The following CCDC102B variants were observed in gnomAD, a reference collection of about 807,000 sequenced individuals.
CCDC102B encodes coiled-coil domain containing 102B, also known as coiled-coil domain-containing protein 102B.
In CCDC102B, 75 loss-of-function variants were observed where a neutral mutation model predicts 57.4. The ratio of observed to expected loss-of-function variants is 1.31; its 90% CI spans 1.08 to 1.58. CCDC102B has a LOEUF of 1.58. Among genes scored for constraint, CCDC102B ranks in the 40% most tolerant of loss-of-function variants. The probability of loss-of-function intolerance (pLI) is 0.00; values close to 1 mark genes in which losing one functional copy is unlikely to be tolerated. For synonymous variants in CCDC102B, 206 were observed against 201.9 expected (o/e 1.02, Z -0.17); for missense variants, 636 against 582.6 (o/e 1.09, Z -0.94).
At chr18:68,792,777 T>C (rs1337437497) in intron 2 of CCDC102B, among the ~76,000 whole-genome samples, 4 of 152,230 alleles carry the variant, frequency 2.6e-5, no homozygotes, top group African/African-American at 9.6e-5. Flanking sequence ...TTAGATATTG[T>C]AGATTAGATT....
intron 2 of CCDC102B, among the ~76,000 whole-genome samples, chr18:68,740,039 A>G (rs2033315467): frequency 6.6e-6 from 1 of 152,226 alleles, no homozygotes; most frequent in Non-Finnish European, 1.5e-5. Flanking sequence ...TCTCTTAAGG[A>G]AGGATTTCTC....
intron 6 of CCDC102B, among the ~76,000 whole-genome samples, chr18:68,946,510 A>G (rs1351755067): frequency 6.6e-6 from 1 of 152,064 alleles, no homozygotes. Flanking sequence ...TTGATCCTGC[A>G]TCTTTATGTT....
chr18:68,823,675 AGT>A (rs1247432336), intron 1 of CCDC102B, among the ~76,000 whole-genome samples: 1 of 152,166 alleles, frequency 6.6e-6, no homozygotes, highest in Admixed American at 6.5e-5. Flanking sequence ...CCCCAGCAAT[AGT>A]GTATAAGCAT....
At chr18:68,815,779 A>G (rs1021556979) in intron 1 of CCDC102B, among the ~76,000 whole-genome samples, 15 of 151,904 alleles carry the variant, frequency 9.9e-5, no homozygotes, top group Non-Finnish European at 4.4e-5. Context: ...AGATGTATGT[A>G]TTTTTTTAAA....
chr18:68,982,435 T>C (rs1268258885), intron 6 of CCDC102B, among the ~76,000 whole-genome samples: 1 of 151,956 alleles, frequency 6.6e-6, no homozygotes, highest in Non-Finnish European at 1.5e-5. Context: ...ATTCCACAAA[T>C]ATGATAATTT....
At chr18:68,785,348 T>C (rs1199278487) in intron 2 of CCDC102B, among the ~76,000 whole-genome samples, 1 of 152,190 alleles carries the variant, frequency 6.6e-6, no homozygotes, top group Non-Finnish European at 1.5e-5. Flanking sequence ...TACCCAGTAA[T>C]GGGATGGCTA....
chr18:68,997,285 A>G (rs2051055633), intron 6 of CCDC102B, among the ~76,000 whole-genome samples: 2 of 152,154 alleles, frequency 1.3e-5, no homozygotes, highest in Non-Finnish European at 2.9e-5. Context: ...CATTTTTTTC[A>G]TTCAAATTTT....
intron 6 of CCDC102B, chr18:68,908,413 T>G (rs2040720174): frequency 6.6e-6 from 1 of 152,184 alleles, no homozygotes; most frequent in Admixed American, 6.5e-5. Context: ...CAAAGTGGAT[T>G]GTGCTGTTTT....
intron 2 of CCDC102B, among the ~76,000 whole-genome samples, chr18:68,719,774 A>G (rs1937632502): frequency 6.6e-6 from 1 of 152,240 alleles, no homozygotes; most frequent in Non-Finnish European, 1.5e-5. Context: ...CACTGTTGTT[A>G]CAAACACGTC....
chr18:68,731,342 C>T (rs1349255968), intron 2 of CCDC102B, among the ~76,000 whole-genome samples: 2 of 152,132 alleles, frequency 1.3e-5, no homozygotes, highest in African/African-American at 2.4e-5. Flanking sequence ...TGATCACAAA[C>T]CCCTATAATC....
At chr18:68,809,990 A>G (rs189387913) in intron 1 of CCDC102B, among the ~76,000 whole-genome samples, 5 of 152,232 alleles carry the variant, frequency 3.3e-5, no homozygotes, top group African/African-American at 1.2e-4. Context: ...CAATAGAAGT[A>G]AAGACAAATG....
At chr18:68,748,078 CATT>C (rs996682856) in intron 2 of CCDC102B, among the ~76,000 whole-genome samples, 4 of 152,004 alleles carry the variant, frequency 2.6e-5, no homozygotes, top group African/African-American at 9.7e-5. Flanking sequence ...GATGATATCT[CATT>C]GTGGTTTTGA....
Position 68,839,111 on chromosome 18 carries a change from G to A in CCDC102B, c.827+185G>A, listed in dbSNP as rs2037513381. ...AATTTTAAAATGTAGTTTATAACTTGTTAGTGTTTTCCATTCTTTTAAGTT... is the reference window on the plus strand; with the variant it reads ...AATTTTAAAATGTAGTTTATAACTTATTAGTGTTTTCCATTCTTTTAAGTT... On this transcript the variant is annotated intron_variant, in intron 3 of 7. Transcript: ENST00000360242. 3 of 604,158 alleles carry A rather than the reference G, an allele frequency of 5.0e-6. No homozygotes were observed. The Admixed American group carries it at 8.8e-5, about 18-fold the overall frequency. The allele number at this position is 604,158 out of a possible 1,614,324, so 37.4% of individuals were successfully genotyped here. A position where few individuals can be genotyped will look rare whatever the true frequency, so the allele number is the denominator to read the frequency against.
intron 1 of CCDC102B, among the ~76,000 whole-genome samples, chr18:68,810,330 G>A (rs1383223898): frequency 2.0e-5 from 3 of 151,992 alleles, no homozygotes; most frequent in Admixed American, 1.3e-4. Context: ...ATAATGTACA[G>A]TCATTTGCAT....
rs17079899 is a variant in CCDC102B at position 68,924,021 on chromosome 18, G to C, written c.1263+26593G>C. Among the ~76,000 whole-genome samples the C allele has an allele frequency of 1.6e-3, 244 of 152,066 alleles. 1 individual carries two copies. Among genetic ancestry groups the C allele is most frequent in the Non-Finnish European group, 2.9e-3 (199 of 67,966 alleles). ...GTAAGTAGCATCATTAGCAACCAAG[G>C]AACTCTCGTAGGATTAAAGTTTCTG... On this transcript the variant is annotated intron_variant, in intron 6 of 7. Transcript: ENST00000360242.
At chr18:69,022,236 G>A (rs1432545639) in intron 7 of CCDC102B, among the ~76,000 whole-genome samples, 1 of 131,288 alleles carries the variant, frequency 7.6e-6, no homozygotes, top group Non-Finnish European at 1.5e-5. Context: ...ACACACACAC[G>A]CGTGCGTGTG....
intron 1 of CCDC102B, among the ~76,000 whole-genome samples, chr18:68,831,725 G>T (rs2037148764): frequency 6.6e-6 from 1 of 152,020 alleles, no homozygotes; most frequent in Admixed American, 6.6e-5. Context: ...AACAAATCTT[G>T]AACTACACAC....
At chr18:68,779,818 G>C (rs1283022036) in intron 2 of CCDC102B, among the ~76,000 whole-genome samples, 1 of 152,018 alleles carries the variant, frequency 6.6e-6, no homozygotes, top group African/African-American at 2.4e-5. Flanking sequence ...CACATGGGTT[G>C]ATTTTTTAAA....
At chr18:68,906,356 G>T (rs992304673) in intron 6 of CCDC102B, among the ~76,000 whole-genome samples, 22 of 152,212 alleles carry the variant, frequency 1.4e-4, no homozygotes, top group African/African-American at 5.1e-4. Context: ...GAGTTGCTGA[G>T]TCAGATGGTA....
Sources: gnomAD v4.1 joint callset for allele counts (sites outside exome capture counted in the v4.1 genomes callset) on GRCh38, gnomAD v4.1.1 for gene constraint, MANE v1.5 for transcripts, NCBI Gene and HGNC (gene_info 2026-07-23, HGNC 2026-07-21) for gene names.